The following NOS1AP variants were observed in gnomAD, a reference collection of about 807,000 sequenced individuals.
The protein encoded by NOS1AP is nitric oxide synthase 1 adaptor protein, also known as carboxyl-terminal PDZ ligand of neuronal nitric oxide synthase protein.
A neutral mutation model predicts 56.2 loss-of-function variants in NOS1AP; 21 were observed. The ratio of observed to expected loss-of-function variants is 0.37; its 90% CI spans 0.26 to 0.54. NOS1AP has a LOEUF of 0.54. Ranked by LOEUF, NOS1AP falls within the 20% of genes least tolerant of loss-of-function variation. The pLI is 0.84. For synonymous variants in NOS1AP, 270 were observed against 274.6 expected, an observed-to-expected ratio of 0.98 and a Z score of 0.17; for missense variants, 522 against 657.8, an observed-to-expected ratio of 0.79 and a Z score of 2.26.
chr1:162,292,628 G>A (rs577770654), intron 3 of NOS1AP, among the ~76,000 whole-genome samples: 1 of 152,306 alleles, frequency 6.6e-6, no homozygotes, highest in East Asian at 1.9e-4. Context: ...GTTGCTGTGT[G>A]TGTGACTGAT....
At chr1:162,111,230 A>G (rs1418839246) in intron 1 of NOS1AP, among the ~76,000 whole-genome samples, 7 of 152,244 alleles carry the variant, frequency 4.6e-5, no homozygotes, top group Admixed American at 3.3e-4. Context: ...TATTCCAGCC[A>G]GAAGGAACAA....
chr1:162,364,249 G>T, intron 8 of NOS1AP: 10 of 985,370 alleles, frequency 1.0e-5, no homozygotes, highest in Non-Finnish European at 1.2e-5. Flanking sequence ...CACTCACCTG[G>T]CTCTGTCTTT....
chr1:162,261,509 A>AGGAGAAGAGAG (rs765340364), intron 2 of NOS1AP, among the ~76,000 whole-genome samples: 775 of 15,160 alleles, frequency 0.051, 284 homozygotes, highest in Non-Finnish European at 0.093. Context: ...AGAGAGAGAG[A>AGGAGAAGAGAG]GAGAGAGAGA....
intron 2 of NOS1AP, among the ~76,000 whole-genome samples, chr1:162,246,662 C>T (rs886700521): frequency 6.6e-6 from 1 of 152,110 alleles, no homozygotes; most frequent in African/African-American, 2.4e-5. Context: ...TCTGCTCCTA[C>T]TTGACTCTGT....
chr1:162,287,589 A>G (rs1333057352), intron 3 of NOS1AP, among the ~76,000 whole-genome samples, 153 bp downstream of exon 3: 1 of 152,140 alleles, frequency 6.6e-6, no homozygotes, highest in Non-Finnish European at 1.5e-5. Context: ...GACAGGCTGC[A>G]GCAGAGTGTA....
intron 1 of NOS1AP, among the ~76,000 whole-genome samples, chr1:162,071,187 G>A (rs1691653302): frequency 2.0e-5 from 3 of 152,168 alleles, no homozygotes; most frequent in Non-Finnish European, 2.9e-5. Flanking sequence ...CCTCTGTGAC[G>A]TAGAGAGACC....
chr1:162,230,330 G>A (rs1653083207), intron 2 of NOS1AP, among the ~76,000 whole-genome samples: 1 of 152,180 alleles, frequency 6.6e-6, no homozygotes, highest in South Asian at 2.1e-4. Flanking sequence ...CTAGAACCAG[G>A]AAGAGAAGCT....
chr1:162,189,597 A>T (rs1056981599), intron 2 of NOS1AP, among the ~76,000 whole-genome samples: 1 of 152,230 alleles, frequency 6.6e-6, no homozygotes, highest in Non-Finnish European at 1.5e-5. Flanking sequence ...GATAGGCGAG[A>T]TCTCTCTTCT....
rs1326824105 is a variant in NOS1AP at position 162,369,046 on chromosome 1, A to G, written c.*1579A>G. ...GCCTTCCTTGGTGCATCAGGGTGTC[A>G]GTGGAAATAGGATCAGGTGGTGTGT... On this transcript the variant is annotated 3_prime_UTR_variant, in exon 10 of 10. Coordinates refer to ENST00000361897, the MANE Select transcript of NOS1AP (RefSeq NM_014697.3). 6.6e-6 allele frequency: 1 copy of G among 152,220 alleles called. No individual in the cohort carries two copies. Among genetic ancestry groups the G allele is most frequent in the Non-Finnish European group, 1.5e-5 (1 of 68,056 alleles). 9.4% of individuals were successfully genotyped at this position (152,220 alleles called of 1,614,324 possible). A position where few individuals can be genotyped will look rare whatever the true frequency, so the allele number is the denominator to read the frequency against.
chr1:162,280,104 A>G (rs1427390021), intron 2 of NOS1AP, among the ~76,000 whole-genome samples: 1 of 152,222 alleles, frequency 6.6e-6, no homozygotes, highest in Non-Finnish European at 1.5e-5. Flanking sequence ...GCTTGAGTCC[A>G]GGAGTTTGAG....
rs201699420 is a variant in NOS1AP, at chr1:162,147,300, C to CCAG, written c.106-7103_106-7101dup. Among the ~76,000 whole-genome samples the CCAG allele has an allele frequency of 6.9e-3, 1,022 of 147,732 alleles. 12 individuals carry two copies. Among genetic ancestry groups the CCAG allele is most frequent in the African/African-American group, 0.025 (983 of 39,554 alleles). On this transcript the variant is annotated intron_variant, in intron 1 of 9. Coordinates refer to ENST00000361897, the MANE Select transcript of NOS1AP (RefSeq NM_014697.3). ...GCCTCTGAGATCGCACCACTGCACT[C>CCAG]CAGCCTGGGCGACAGAGCGAGACTC...
intron 2 of NOS1AP, among the ~76,000 whole-genome samples, chr1:162,203,057 C>T (rs1206327776): frequency 6.6e-6 from 1 of 152,060 alleles, no homozygotes; most frequent in Non-Finnish European, 1.5e-5. Context: ...AGGGTAGTGT[C>T]TTCATGACTG....
chr1:162,363,749 A>G (rs973617696), intron 8 of NOS1AP: 1 of 975,736 alleles, frequency 1.0e-6, no homozygotes, highest in Middle Eastern at 5.3e-4. Flanking sequence ...ATGAAGACCA[A>G]ACATGTATTT....
chr1:162,308,371 A>G (rs1429188045), intron 4 of NOS1AP, among the ~76,000 whole-genome samples: 3 of 152,216 alleles, frequency 2.0e-5, no homozygotes, highest in Non-Finnish European at 4.4e-5. Context: ...TGTGATGTCT[A>G]CATCAGGAGA....
chr1:162,094,422 C>A (rs564897303), intron 1 of NOS1AP, among the ~76,000 whole-genome samples: 2 of 152,190 alleles, frequency 1.3e-5, no homozygotes, highest in African/African-American at 4.8e-5. Flanking sequence ...TCAGTAAACT[C>A]CTGCTTGATT....
In NOS1AP at chr1:162,357,075, TGCAGCTCCTCCA is replaced by T. The variant is rs751871512; in HGVS notation, c.896_907del (p.Leu299_Gln302del). On this transcript the variant is annotated inframe_deletion, in exon 8 of 10. Transcript: ENST00000361897. ...ACACCGCTGTCCACTCACCACCAGA[TGCAGCTCCTCCA>T]GCAGCTCCTCCAGCAGCAGCAGCAG... 10 of 1,612,582 alleles carry T rather than the reference TGCAGCTCCTCCA, an allele frequency of 6.2e-6. No homozygotes were observed. The highest frequency in any genetic ancestry group is 1.7e-5 in the Admixed American group (1 of 60,002).
At chr1:162,104,452 A>C (rs1647419701) in intron 1 of NOS1AP, among the ~76,000 whole-genome samples, 1 of 152,060 alleles carries the variant, frequency 6.6e-6, no homozygotes, top group Admixed American at 6.6e-5. Flanking sequence ...GAATGTTGGC[A>C]TGTCTTTCTA....
At chr1:162,197,363 G>T (rs1651841829) in intron 2 of NOS1AP, among the ~76,000 whole-genome samples, 1 of 152,158 alleles carries the variant, frequency 6.6e-6, no homozygotes, top group Non-Finnish European at 1.5e-5. Flanking sequence ...CATGCCCCGT[G>T]GAGGGCACAC....
At chr1:162,330,160 T>A (rs1156320345) in intron 4 of NOS1AP, among the ~76,000 whole-genome samples, 1 of 152,200 alleles carries the variant, frequency 6.6e-6, no homozygotes, top group African/African-American at 2.4e-5. Flanking sequence ...AACTAAAGAA[T>A]CCAAGAAGTT....
Sources: allele counts gnomAD v4.1 joint callset (sites outside exome capture counted in the v4.1 genomes callset), GRCh38; gene constraint gnomAD v4.1.1; transcripts MANE v1.5; gene names NCBI Gene and HGNC (gene_info 2026-07-23, HGNC 2026-07-21).